The following KLHL7 variants were observed in gnomAD, a reference collection of about 807,000 sequenced individuals.
KLHL7 encodes kelch like family member 7, also known as kelch-like protein 7.
KLHL7 carries 44 observed loss-of-function variants against 67.4 expected under a neutral mutation model. The observed-to-expected ratio is 0.65, with a 90% confidence interval of 0.51 to 0.84. The LOEUF (loss-of-function observed/expected upper bound fraction) is 0.84, where lower values mean the gene tolerates loss of function less well. Among genes scored for constraint, KLHL7 ranks in the 40% least tolerant of loss-of-function variants. The pLI is 0.00. For synonymous variants in KLHL7, 252 were observed against 243.3 expected (o/e 1.04, Z -0.33); for missense variants, 362 against 718.1 (o/e 0.50, Z 5.67).
intron 1 of KLHL7, chr7:23,117,738 C>A (rs1783153578): frequency 8.9e-7 from 1 of 1,125,464 alleles, no homozygotes; most frequent in Non-Finnish European, 1.2e-6. Flanking sequence ...TTAGCCTTTG[C>A]ATTTATTATT....
At chr7:23,140,700 T>C in intron 4 of KLHL7, 69 bp from the exon 5 acceptor site, 1 of 1,306,198 alleles carries the variant, frequency 7.7e-7, no homozygotes, top group South Asian at 1.2e-5. Context: ...AAGTCATGCT[T>C]CATCTTGAAT....
intron 4 of KLHL7, chr7:23,129,297 G>T: frequency 3.6e-6 from 1 of 278,792 alleles, no homozygotes. Flanking sequence ...TCTCCAGCAG[G>T]GACTGCTCCA....
chr7:23,113,460 A>G (rs1782958182), intron 1 of KLHL7, among the ~76,000 whole-genome samples: 1 of 152,216 alleles, frequency 6.6e-6, no homozygotes, highest in Non-Finnish European at 1.5e-5. Flanking sequence ...CTCTAAACTA[A>G]CAGAACCCAC....
chr7:23,165,720 G>A lies in KLHL7; in HGVS notation c.959G>A (p.Arg320His), dbSNP rs766211473. Residue 320 changes from arginine (R) to histidine (H), a missense_variant, in exon 8 of 11, where the codon CGC becomes CAC. By Grantham distance (29) the Arg-to-His change is conservative (BLOSUM62 0). This residue lies in a region of KLHL7 where 12 missense variants were observed against 81.8 expected (regional missense o/e 0.15). Transcript: ENST00000339077. ...NPKDYSWTDI[R>H]CPFEKRRDAA... ...CAGGATTATAGCTGGACAGACATCC[G>A]CTGCCCCTTTGAAAAACGAAGAGAT... 2 of 1,614,000 alleles carry A rather than the reference G, an allele frequency of 1.2e-6. No individual in the cohort carries two copies. Among genetic ancestry groups the A allele is most frequent in the Non-Finnish European group, 8.5e-7 (1 of 1,179,958 alleles).
chr7:23,157,072 C>T (rs1650195804), intron 7 of KLHL7, among the ~76,000 whole-genome samples: 1 of 152,168 alleles, frequency 6.6e-6, no homozygotes, highest in African/African-American at 2.4e-5. Flanking sequence ...ACCCTGTGAT[C>T]ATGGCGGAAA....
At chr7:23,142,457 A>T (rs1784219381) in intron 5 of KLHL7, among the ~76,000 whole-genome samples, 1 of 152,156 alleles carries the variant, frequency 6.6e-6, no homozygotes, top group African/African-American at 2.4e-5. Flanking sequence ...ACCTCACTAG[A>T]TAAATAGAAA....
Position 23,175,335 on chromosome 7 carries a change from C to A in KLHL7, c.*1037C>A, listed in dbSNP as rs1237495935. ...CATTTCCTTCCTAGTAATACTTTGCCTTTTTCACTGTGTATGGAATGAAAC... is the reference window on the plus strand; with the variant it reads ...CATTTCCTTCCTAGTAATACTTTGCATTTTTCACTGTGTATGGAATGAAAC... On this transcript the variant is annotated 3_prime_UTR_variant, in exon 11 of 11. Transcript: ENST00000339077. The A allele has an allele frequency of 1.1e-5, 5 of 453,826 alleles. No individual in the cohort carries two copies. The highest frequency in any genetic ancestry group is 2.2e-5 in the Non-Finnish European group (5 of 226,764). The allele number at this position is 453,826 out of a possible 1,614,324, so 28.1% of individuals were successfully genotyped here. A position where few individuals can be genotyped will look rare whatever the true frequency, so the allele number is the denominator to read the frequency against.
At chr7:23,141,229 A>G (rs1784172222) in intron 5 of KLHL7, among the ~76,000 whole-genome samples, 1 of 152,226 alleles carries the variant, frequency 6.6e-6, no homozygotes, top group Admixed American at 6.5e-5. Flanking sequence ...TGTGTGGCAG[A>G]TAGGACTTTG....
chr7:23,127,197 T>G (rs993720567), intron 4 of KLHL7, among the ~76,000 whole-genome samples: 2 of 152,210 alleles, frequency 1.3e-5, no homozygotes, highest in Non-Finnish European at 2.9e-5. Flanking sequence ...CAAAGAAGAA[T>G]GGCTGAAATA....
chr7:23,156,403 C>G (rs1190397350), intron 7 of KLHL7, among the ~76,000 whole-genome samples: 1 of 152,180 alleles, frequency 6.6e-6, no homozygotes, highest in Non-Finnish European at 1.5e-5. Context: ...TTAGTGGTTT[C>G]TAAAAGAGTT....
At chr7:23,161,293 A>G (rs1784848294) in intron 7 of KLHL7, among the ~76,000 whole-genome samples, 1 of 152,142 alleles carries the variant, frequency 6.6e-6, no homozygotes, top group Non-Finnish European at 1.5e-5. Context: ...TTTTACTCTC[A>G]CCATTTTATT....
At chr7:23,106,262 G>A (rs1221336047) in intron 1 of KLHL7, 116 bp downstream of exon 1, 2 of 1,536,216 alleles carry the variant, frequency 1.3e-6, no homozygotes, top group Non-Finnish European at 1.8e-6. Context: ...CTCTGTCCTC[G>A]CCCCTCCTTC....
At chr7:23,120,031 T>C (rs902054765) in intron 1 of KLHL7, among the ~76,000 whole-genome samples, 2 of 152,126 alleles carry the variant, frequency 1.3e-5, no homozygotes, top group Non-Finnish European at 2.9e-5. Flanking sequence ...TTTTATTTTA[T>C]TTTTGAGTCT....
chr7:23,123,129 A>T (rs1783418252), intron 1 of KLHL7, among the ~76,000 whole-genome samples: 1 of 152,190 alleles, frequency 6.6e-6, no homozygotes, highest in African/African-American at 2.4e-5. Context: ...GCTTATGGTG[A>T]TACTATTTTG....
chr7:23,137,180 G>A (rs1232656889), intron 4 of KLHL7, among the ~76,000 whole-genome samples: 4 of 152,192 alleles, frequency 2.6e-5, no homozygotes, highest in African/African-American at 4.8e-5. Flanking sequence ...AGCTACGCAG[G>A]AGACTGGGGC....
chr7:23,147,282 G>T (rs1009056184), intron 6 of KLHL7, among the ~76,000 whole-genome samples: 1 of 151,866 alleles, frequency 6.6e-6, no homozygotes, highest in Non-Finnish European at 1.5e-5. Context: ...CAGAGACAGG[G>T]TTTCGCCATG....
chr7:23,126,599 C>G (rs1228697173), intron 4 of KLHL7, among the ~76,000 whole-genome samples: 1 of 152,170 alleles, frequency 6.6e-6, no homozygotes, highest in East Asian at 1.9e-4. Context: ...CCTGAAGATG[C>G]TTCAGAATTT....
intron 4 of KLHL7, among the ~76,000 whole-genome samples, chr7:23,133,217 T>A (rs1005998117): frequency 2.6e-5 from 4 of 152,278 alleles, no homozygotes; most frequent in African/African-American, 7.2e-5. Context: ...ATTGAATCTG[T>A]AGATTGCTAT....
intron 7 of KLHL7, among the ~76,000 whole-genome samples, chr7:23,162,908 C>T (rs1448589933): frequency 1.3e-5 from 2 of 152,028 alleles, no homozygotes; most frequent in Non-Finnish European, 2.9e-5. Flanking sequence ...TCCCTAAGAC[C>T]CTGCCTTCCC....
Sources: gnomAD v4.1 joint callset for allele counts (sites outside exome capture counted in the v4.1 genomes callset) on GRCh38, gnomAD v4.1.1 for gene constraint, gnomAD v4.1.1 regional missense constraint, MANE v1.5 for transcripts, NCBI Gene and HGNC (gene_info 2026-07-23, HGNC 2026-07-21) for gene names.